SDC3: variants seen among roughly 807,000 people sequenced by gnomAD.
The protein encoded by SDC3 is syndecan 3, also known as syndecan-3.
Under a neutral mutation model 24.4 loss-of-function variants are expected in SDC3, and 13 were observed. The observed-to-expected ratio is 0.53, with a 90% CI of 0.35 to 0.85. SDC3 has a LOEUF of 0.85. Among genes scored for constraint, SDC3 ranks in the 40% least tolerant of loss-of-function variants. The probability of loss-of-function intolerance (pLI) is 0.01; values close to 1 mark genes in which losing one functional copy is unlikely to be tolerated. For missense variants in SDC3, 571 were observed against 584.5 expected, an observed-to-expected ratio of 0.98 and a Z score of 0.24; for synonymous variants, 295 against 260.9, an observed-to-expected ratio of 1.13 and a Z score of -1.26.
At chr1:30,882,248 C>CT (rs959458910) in intron 1 of SDC3, among the ~76,000 whole-genome samples, 14 of 152,208 alleles carry the variant, frequency 9.2e-5, no homozygotes, top group African/African-American at 3.4e-4. Context: ...TCCGGGTACA[C>CT]ACAAGTGCAC....
rs1199449817 is a variant in SDC3, at chr1:30,908,570, G to A, written c.17C>T (p.Pro6Leu). 18 of 976,838 alleles carry A rather than the reference G, an allele frequency of 1.8e-5. No homozygotes were observed. The highest frequency in any genetic ancestry group is 1.2e-5 in the Non-Finnish European group (10 of 826,112). The allele number at this position is 976,838 out of a possible 1,614,324, so 60.5% of individuals were successfully genotyped here. ...CCCGTGGGCGGCCCCGGCACGGTGCGGCGGCCCCGGCTTCATGGCGGCGGC... is the reference window on the plus strand; with the variant it reads ...CCCGTGGGCGGCCCCGGCACGGTGCAGCGGCCCCGGCTTCATGGCGGCGGC... MKPGP[P>L]HRAGAAHGAG... Residue 6 changes from proline (P) to leucine (L), a missense_variant, in exon 1 of 5, where the codon CCG becomes CTG. Physicochemically the swap from Pro to Leu is moderately conservative, Grantham distance 98 (BLOSUM62 -3). This residue lies in a region of SDC3 where 497 missense variants were observed against 471.6 expected (regional missense o/e 1.05). Coordinates refer to ENST00000339394, the MANE Select transcript of SDC3 (RefSeq NM_014654.4).
chr1:30,893,481 T>C (rs1206100803), intron 1 of SDC3, among the ~76,000 whole-genome samples: 1 of 151,544 alleles, frequency 6.6e-6, no homozygotes, highest in African/African-American at 2.4e-5. Flanking sequence ...ACCAAAAATT[T>C]CAAAATGCCC....
intron 1 of SDC3, 70 bp from the exon 2 acceptor site, chr1:30,878,810 G>A (rs1216512402): frequency 1.8e-5 from 23 of 1,265,906 alleles, no homozygotes; most frequent in East Asian, 1.2e-4. Context: ...CCAGAAGGGC[G>A]ACAGGTGCCC....
chr1:30,908,677 G>A lies in SDC3; in HGVS notation c.-91C>T. Reference sequence around the variant, plus strand: ...GGGGCGGCTGCTTGGCGGCGGCGCGGCCCGGCGGCTGGACCGACGCGCTCT... The same window carrying A: ...GGGGCGGCTGCTTGGCGGCGGCGCGACCCGGCGGCTGGACCGACGCGCTCT... On this transcript the variant is annotated 5_prime_UTR_variant, in exon 1 of 5. Transcript: ENST00000339394. The A allele has an allele frequency of 2.3e-6, 1 of 439,012 alleles. No homozygotes were observed. Among genetic ancestry groups the A allele is most frequent in the Non-Finnish European group, 3.0e-6 (1 of 333,554 alleles). 27.2% of individuals were successfully genotyped at this position (439,012 alleles called of 1,614,324 possible).
chr1:30,876,634 G>A lies in SDC3; in HGVS notation c.788C>T (p.Ala263Val), dbSNP rs369216308. 3.8e-6 allele frequency: 6 copies of A among 1,578,508 alleles called. No individual in the cohort carries two copies. In the African/African-American group the frequency reaches 5.4e-5, roughly 14 times the overall value. ...TSRPRALPRPATTQEPDIPER... is the reference protein window; with the variant it reads ...TSRPRALPRPVTTQEPDIPER... ...AGGGATGTCAGGCTCCTGGGTGGTG[G>A]CCGGCCTGGGAAGGGCTCTTGGCCG... The change falls in exon 3 of 5, where the codon GCC becomes GTC. Residue 263 changes from alanine (A) to valine (V), a missense_variant. By Grantham distance (64) the Ala-to-Val change is moderately conservative. Around this residue, in one of 2 missense-constraint regions of SDC3, gnomAD observed 497 missense variants for 471.6 expected, o/e 1.05. Coordinates refer to ENST00000339394, the MANE Select transcript of SDC3 (RefSeq NM_014654.4).
rs370466470 is a variant in SDC3, at chr1:30,878,714, G to A, written c.165C>T (p.Phe55=). 1.2e-5 allele frequency: 20 copies of A among 1,614,082 alleles called. No individual in the cohort carries two copies. Among genetic ancestry groups the A allele is most frequent in the East Asian group, 4.5e-5 (2 of 44,894 alleles). ...AGAQRWRSEN[F]ERPVDLEGSG... ...AGCCCTCCAGGTCCACGGGTCTCTC[G>A]AAGTTCTCACTGCGCCAGCGCTGGG... Residue 55 remains phenylalanine, a synonymous_variant, in exon 2 of 5, where the codon TTC becomes TTT. Transcript: ENST00000339394.
Position 30,876,906 on chromosome 1 carries a change from C to T in SDC3, c.516G>A (p.Gly172=). ...CAGGCACTGTGGCCACAGTCGGGTC[C>T]CCTGTGCTTGTGGCAGCAGTGGTAG... ...TMATTAATST[G]DPTVATVPAT... Residue 172 remains glycine (G), a synonymous_variant, in exon 3 of 5, where the codon GGG becomes GGA. Transcript: ENST00000339394. 1.9e-6 allele frequency: 3 copies of T among 1,613,850 alleles called. No homozygotes were observed. Among genetic ancestry groups the T allele is most frequent in the Non-Finnish European group, 2.5e-6 (3 of 1,179,934 alleles).
At chr1:30,888,615 G>A (rs184618938) in intron 1 of SDC3, among the ~76,000 whole-genome samples, 14 of 152,242 alleles carry the variant, frequency 9.2e-5, no homozygotes, top group Middle Eastern at 3.4e-3. Context: ...CTGTAAGAAT[G>A]TGTGTGTGTG....
rs574098504 is a variant in SDC3 at position 30,891,917 on chromosome 1, A to G, written c.139-13177T>C. Among the ~76,000 whole-genome samples, 455 of 151,216 alleles carry G rather than the reference A, an allele frequency of 3.0e-3. 3 individuals carry two copies. Among genetic ancestry groups the G allele is most frequent in the African/African-American group, 0.01 (428 of 41,210 alleles). On this transcript the variant is annotated intron_variant, in intron 1 of 4. Transcript: ENST00000339394. ...CTCACAGTGCCTTAGACTGCCAGGC[A>G]GGGACCACAGAGGATCCTGAGTGGG...
intron 1 of SDC3, among the ~76,000 whole-genome samples, chr1:30,900,795 C>G (rs570467207): frequency 1.3e-5 from 2 of 152,164 alleles, no homozygotes; most frequent in African/African-American, 4.8e-5. Context: ...AAAGTCTGGG[C>G]TGGCAGGCAG....
chr1:30,909,593 G>A (rs1468726151), upstream of SDC3, among the ~76,000 whole-genome samples: 1 of 152,106 alleles, frequency 6.6e-6, no homozygotes, highest in African/African-American at 2.4e-5. Flanking sequence ...CATCCCCAGC[G>A]GCATACCCCA....
chr1:30,886,253 A>G (rs933892847), intron 1 of SDC3, among the ~76,000 whole-genome samples: 25 of 152,030 alleles, frequency 1.6e-4, no homozygotes, highest in African/African-American at 5.8e-4. Context: ...TAATCAGTAA[A>G]ACCAATGGTT....
chr1:30,880,349 C>T (rs1386218018), intron 1 of SDC3, among the ~76,000 whole-genome samples: 1 of 125,810 alleles, frequency 7.9e-6, no homozygotes, highest in Non-Finnish European at 1.6e-5. Flanking sequence ...CTGAGGGAGG[C>T]CAGGGGGCAG....
intron 1 of SDC3, among the ~76,000 whole-genome samples, chr1:30,885,479 G>A (rs754990045): frequency 1.3e-5 from 2 of 152,164 alleles, no homozygotes; most frequent in Non-Finnish European, 2.9e-5. Flanking sequence ...TTTGTTATTA[G>A]AGAGCGCACA....
At chr1:30,908,410 C>A in intron 1 of SDC3, 39 bp downstream of exon 1, 1 of 1,003,286 alleles carries the variant, frequency 1.0e-6, no homozygotes, top group South Asian at 4.1e-5. Context: ...GGGGCGGCCC[C>A]GGGGAGCCGT....
chr1:30,873,452 G>T (rs878991297), intron 4 of SDC3, 75 bp from the exon 5 acceptor site: 19 of 1,093,892 alleles, frequency 1.7e-5, no homozygotes, highest in Middle Eastern at 2.5e-4. Flanking sequence ...AGGGGTGGGG[G>T]CCAGGGTGAG....
At chr1:30,885,454 T>A (rs1036908407) in intron 1 of SDC3, among the ~76,000 whole-genome samples, 3 of 152,314 alleles carry the variant, frequency 2.0e-5, no homozygotes, top group Middle Eastern at 6.8e-3. Flanking sequence ...ATTTCTCCGA[T>A]AAACCCATAG....
At chr1:30,878,163 G>A (rs1639680452) in intron 2 of SDC3, 1 of 157,914 alleles carries the variant, frequency 6.3e-6, no homozygotes, top group Non-Finnish European at 1.4e-5. Context: ...ACATGGCAGA[G>A]TGGGGTTCGC....
At chr1:30,877,267 C>A (rs1178927911) in intron 2 of SDC3, 102 bp from the exon 3 acceptor site, 1 of 1,459,734 alleles carries the variant, frequency 6.9e-7, no homozygotes, top group Non-Finnish European at 9.4e-7. Context: ...GTCTCCCAAC[C>A]CCCTCTCTTT....
Sources: gnomAD v4.1 joint callset for allele counts (sites outside exome capture counted in the v4.1 genomes callset) on GRCh38, gnomAD v4.1.1 for gene constraint, gnomAD v4.1.1 regional missense constraint, MANE v1.5 for transcripts, NCBI Gene and HGNC (gene_info 2026-07-23, HGNC 2026-07-21) for gene names.